Variants in SAMD4A observed in about 807,000 individuals in gnomAD.
SAMD4A encodes the protein sterile alpha motif domain containing 4A.
Under a neutral mutation model 81.3 loss-of-function variants are expected in SAMD4A, and 33 were observed. That is an observed-to-expected ratio of 0.41 (90% confidence interval 0.31 to 0.54). SAMD4A has a LOEUF of 0.54. Among genes scored for constraint, SAMD4A ranks in the 20% least tolerant of loss-of-function variants. The probability of loss-of-function intolerance (pLI) is 0.37; values close to 1 mark genes in which losing one functional copy is unlikely to be tolerated. For synonymous variants in SAMD4A, 389 were observed against 382.1 expected (o/e 1.02, Z -0.21); for missense variants, 854 against 951.1 (o/e 0.90, Z 1.34).
intron 3 of SAMD4A, among the ~76,000 whole-genome samples, chr14:54,712,622 C>T (rs2037019167): frequency 6.6e-6 from 1 of 152,110 alleles, no homozygotes; most frequent in Admixed American, 6.6e-5. Context: ...CTCATCATGC[C>T]TAGTGTCTGT....
Position 54,789,207 on chromosome 14 carries a change from G to C in SAMD4A, c.*263G>C. The C allele has an allele frequency of 4.6e-6, 2 of 438,544 alleles. No homozygotes were observed. Among genetic ancestry groups the C allele is most frequent in the Non-Finnish European group, 8.4e-6 (2 of 237,632 alleles). 27.2% of individuals were successfully genotyped at this position (438,544 alleles called of 1,614,324 possible). On this transcript the variant is annotated 3_prime_UTR_variant, in exon 13 of 13. Transcript: ENST00000554335. ...GGGAGGGGTCTCTAGGGAATTATGA[G>C]ACTGGGAGGGGGGTGGAGGGAATGC... is the stretch of plus-strand genomic sequence containing the variant.
chr14:54,776,880 G>T (rs1269147687), intron 11 of SAMD4A, among the ~76,000 whole-genome samples: 1 of 147,816 alleles, frequency 6.8e-6, no homozygotes, highest in Non-Finnish European at 1.5e-5. Flanking sequence ...GTGTGTGTGT[G>T]TGGAAAGAGA....
In SAMD4A at chr14:54,760,256, C is replaced by T. The variant is rs2038357596; in HGVS notation, c.1272C>T (p.Thr424=). The T allele has an allele frequency of 6.2e-7, 1 of 1,613,062 alleles. No homozygotes were observed. Among genetic ancestry groups the T allele is most frequent in the African/African-American group, 1.3e-5 (1 of 75,052 alleles). The part of the protein sequence containing the change: ...PIKAYSSPST[T]PEARRREPQA... Reference sequence around the variant, plus strand: ...AGGCCTACAGCTCCCCGAGCACCACCCCCGAGGCTCGCCGCCGGGAGCCCC... The same window carrying T: ...AGGCCTACAGCTCCCCGAGCACCACTCCCGAGGCTCGCCGCCGGGAGCCCC... The change falls in exon 7 of 13, where the codon ACC becomes ACT. Residue 424 remains threonine, a synonymous_variant. Coordinates refer to ENST00000554335, the MANE Select transcript of SAMD4A (RefSeq NM_015589.6).
At chr14:54,693,434 T>G (rs550522223) in intron 2 of SAMD4A, 1 of 152,344 alleles carries the variant, frequency 6.6e-6, no homozygotes, top group Non-Finnish European at 1.5e-5. Context: ...CAGTGCCTCA[T>G]GCCTGTAATC....
chr14:54,706,376 G>T (rs2036857461), intron 3 of SAMD4A, among the ~76,000 whole-genome samples: 1 of 151,740 alleles, frequency 6.6e-6, no homozygotes, highest in Non-Finnish European at 1.5e-5. Flanking sequence ...AGGCCAAGGT[G>T]GGCAGATCAC....
chr14:54,744,072 G>A lies in SAMD4A; in HGVS notation c.980-4743G>A, dbSNP rs565818997. Reference sequence around the variant, plus strand: ...GGAGAGAGCTTTTGAGAGCAGTCTGGCTTGCTGTGGTGAATGGGAGTTGAT... The same window carrying A: ...GGAGAGAGCTTTTGAGAGCAGTCTGACTTGCTGTGGTGAATGGGAGTTGAT... On this transcript the variant is annotated intron_variant, in intron 4 of 12. Transcript: ENST00000554335. Among the ~76,000 whole-genome samples the A allele has an allele frequency of 5.3e-5, 8 of 152,242 alleles. No homozygotes were observed. The South Asian group carries it at 1.2e-3, about 24-fold the overall frequency.
At chr14:54,633,416 G>C (rs2034950879) in intron 2 of SAMD4A, among the ~76,000 whole-genome samples, 1 of 152,166 alleles carries the variant, frequency 6.6e-6, no homozygotes, top group African/African-American at 2.4e-5. Context: ...ACCCGATTTA[G>C]GATTGTGTTC....
At chr14:54,663,094 G>T (rs1466755862) in intron 2 of SAMD4A, among the ~76,000 whole-genome samples, 2 of 152,220 alleles carry the variant, frequency 1.3e-5, no homozygotes, top group Non-Finnish European at 2.9e-5. Flanking sequence ...AACTGATTAA[G>T]AATGGGCTTA....
At chr14:54,706,277 T>A (rs2036849938) in intron 3 of SAMD4A, among the ~76,000 whole-genome samples, 2 of 44,626 alleles carry the variant, frequency 4.5e-5, no homozygotes, top group African/African-American at 1.8e-4. Flanking sequence ...CAAGACTTAG[T>A]CTCAAAAAAA....
intron 2 of SAMD4A, among the ~76,000 whole-genome samples, chr14:54,602,744 T>C (rs1340380364): frequency 1.3e-5 from 2 of 151,680 alleles, no homozygotes; most frequent in East Asian, 1.9e-4. Context: ...CATGTATACA[T>C]ATGTAACAAA....
chr14:54,775,873 A>G (rs2038829964), intron 10 of SAMD4A, among the ~76,000 whole-genome samples: 3 of 152,090 alleles, frequency 2.0e-5, no homozygotes, highest in Admixed American at 2.0e-4. Context: ...AGAAAGCCCC[A>G]TCTTCTGACC....
intron 2 of SAMD4A, among the ~76,000 whole-genome samples, chr14:54,680,033 C>T (rs117174615): frequency 1.7e-3 from 258 of 152,300 alleles, no homozygotes; most frequent in Non-Finnish European, 2.6e-3. Context: ...ACAGTCCTAC[C>T]GGGGCCACAC....
intron 2 of SAMD4A, among the ~76,000 whole-genome samples, chr14:54,587,750 G>A (rs1450743906): frequency 6.6e-6 from 1 of 152,134 alleles, no homozygotes; most frequent in East Asian, 1.9e-4. Context: ...CTTGATTATG[G>A]TAGATTATCT....
intron 2 of SAMD4A, among the ~76,000 whole-genome samples, chr14:54,679,401 C>T (rs2036076464): frequency 1.3e-5 from 2 of 152,176 alleles, no homozygotes; most frequent in Non-Finnish European, 2.9e-5. Context: ...GAAAAACAGT[C>T]TAGTCTTTTC....
At chr14:54,644,014 G>A (rs1254057785) in intron 2 of SAMD4A, among the ~76,000 whole-genome samples, 1 of 152,234 alleles carries the variant, frequency 6.6e-6, no homozygotes, top group Non-Finnish European at 1.5e-5. Context: ...ACAGCTGGGA[G>A]AAGCAGTCAA....
In SAMD4A at chr14:54,789,181, G is replaced by A. The variant is rs919578863; in HGVS notation, c.*237G>A. 3.0e-5 allele frequency: 17 copies of A among 562,838 alleles called. No individual in the cohort carries two copies. The highest frequency in any genetic ancestry group is 8.7e-5 in the Admixed American group (3 of 34,450). 34.9% of individuals were successfully genotyped at this position (562,838 alleles called of 1,614,324 possible). Reference sequence around the variant, plus strand: ...CATGGGATGGTTTGGTGTGTGGGGTGGGGAGGGGTCTCTAGGGAATTATGA... The same window carrying A: ...CATGGGATGGTTTGGTGTGTGGGGTAGGGAGGGGTCTCTAGGGAATTATGA... On this transcript the variant is annotated 3_prime_UTR_variant, in exon 13 of 13. Transcript: ENST00000554335.
chr14:54,678,717 T>C (rs1042532036), intron 2 of SAMD4A, among the ~76,000 whole-genome samples: 1 of 151,892 alleles, frequency 6.6e-6, no homozygotes, highest in Non-Finnish European at 1.5e-5. Flanking sequence ...TCCGGCTAAT[T>C]TTTTGCATTT....
At chr14:54,736,928 A>G in intron 3 of SAMD4A, 96 bp from the exon 4 acceptor site, 1 of 1,357,468 alleles carries the variant, frequency 7.4e-7, no homozygotes, top group South Asian at 1.2e-5. Flanking sequence ...TAAGACAGTT[A>G]GTGGTATCTC....
At chr14:54,673,940 C>T (rs2035937322) in intron 2 of SAMD4A, among the ~76,000 whole-genome samples, 1 of 152,182 alleles carries the variant, frequency 6.6e-6, no homozygotes, top group Non-Finnish European at 1.5e-5. Flanking sequence ...CTTTCTGAAG[C>T]GTTTGATGCC....
Sources: gnomAD v4.1 joint callset for allele counts (sites outside exome capture counted in the v4.1 genomes callset) on GRCh38, gnomAD v4.1.1 for gene constraint, MANE v1.5 for transcripts, NCBI Gene and HGNC (gene_info 2026-07-23, HGNC 2026-07-21) for gene names.